SLC5A8: variants seen among roughly 807,000 people sequenced by gnomAD.
SLC5A8 encodes sodium-coupled monocarboxylate transporter 1.
SLC5A8 carries 55 observed loss-of-function variants against 71.9 expected under a neutral mutation model. The observed-to-expected ratio is 0.77, with a 90% CI of 0.62 to 0.96. SLC5A8 has a LOEUF of 0.96. Among genes scored for constraint, SLC5A8 ranks in the 40% least tolerant of loss-of-function variants. The pLI is 0.00. For synonymous variants in SLC5A8, 307 were observed against 276.1 expected, an observed-to-expected ratio of 1.11 and a Z score of -1.11; for missense variants, 701 against 745.3, an observed-to-expected ratio of 0.94 and a Z score of 0.69.
intron 1 of SLC5A8, among the ~76,000 whole-genome samples, chr12:101,207,753 G>A (rs1168602762): frequency 3.9e-5 from 6 of 152,082 alleles, no homozygotes; most frequent in Non-Finnish European, 8.8e-5. Flanking sequence ...GTGGCCAGGT[G>A]TTCACATATT....
chr12:101,172,538 C>T (rs983835235), intron 10 of SLC5A8, among the ~76,000 whole-genome samples: 12 of 152,080 alleles, frequency 7.9e-5, no homozygotes, highest in African/African-American at 2.9e-4. Context: ...GGCCTCATCC[C>T]GTGGGTGAGG....
chr12:101,182,824 A>T lies in SLC5A8; in HGVS notation c.1144T>A (p.Ser382Thr). 2 of 1,590,112 alleles carry T rather than the reference A, an allele frequency of 1.3e-6. No homozygotes were observed. The highest frequency in any genetic ancestry group is 2.3e-5 in the South Asian group (2 of 85,614). Reference sequence around the variant, plus strand: ...TTACTCATTCCTTGGGAAATCCAAGACAGAGACCTTTCTGAGAGCGATCTG... The same window carrying T: ...TTACTCATTCCTTGGGAAATCCAAGTCAGAGACCTTTCTGAGAGCGATCTG... ...YFRSLSERSL[S>T]WISQGMSVVY... The change falls in exon 9 of 15, where the codon TCT becomes ACT. Residue 382 changes from serine to threonine, a missense_variant. Physicochemically the swap from Ser to Thr is moderately conservative, Grantham distance 58. Transcript: ENST00000536262.
intron 3 of SLC5A8, among the ~76,000 whole-genome samples, chr12:101,201,543 G>A (rs1869454361): frequency 6.6e-6 from 1 of 152,182 alleles, no homozygotes; most frequent in Admixed American, 6.5e-5. Context: ...TGACTAGCAT[G>A]AACGTTTGCT....
chr12:101,160,575 T>A (rs542929345), intron 13 of SLC5A8, among the ~76,000 whole-genome samples: 6 of 152,240 alleles, frequency 3.9e-5, no homozygotes, highest in African/African-American at 1.4e-4. Flanking sequence ...GATGCATACA[T>A]GTGAGGGGAT....
At chr12:101,157,477 T>C in intron 14 of SLC5A8, 76 bp from the exon 15 acceptor site, 2 of 1,475,042 alleles carry the variant, frequency 1.4e-6, no homozygotes, top group Non-Finnish European at 1.8e-6. Context: ...AATAATTGTT[T>C]CTACTATTTT....
chr12:101,201,625 C>T (rs1286705124), intron 3 of SLC5A8, among the ~76,000 whole-genome samples: 1 of 152,214 alleles, frequency 6.6e-6, no homozygotes, highest in East Asian at 1.9e-4. Flanking sequence ...TGTTGAGCAG[C>T]ACAATCTTCC....
intron 1 of SLC5A8, among the ~76,000 whole-genome samples, chr12:101,208,661 A>G (rs1243709976): frequency 1.3e-5 from 2 of 152,138 alleles, no homozygotes; most frequent in Non-Finnish European, 2.9e-5. Flanking sequence ...AGTTTTCCTT[A>G]ATTGTCTTTC....
intron 9 of SLC5A8, 38 bp from the exon 10 acceptor site, chr12:101,180,134 C>A (rs767446245): frequency 5.6e-6 from 9 of 1,592,940 alleles, no homozygotes; most frequent in South Asian, 3.3e-5. Flanking sequence ...AAAATCCACA[C>A]CCAGAGAATT....
At chr12:101,160,166 A>G (rs972853726) in intron 13 of SLC5A8, among the ~76,000 whole-genome samples, 1 of 152,176 alleles carries the variant, frequency 6.6e-6, no homozygotes, top group African/African-American at 2.4e-5. Flanking sequence ...TGGGCAAAAG[A>G]GCGAGATTCC....
At chr12:101,204,400 T>C (rs1299183460) in intron 2 of SLC5A8, 100 bp downstream of exon 2, 1 of 1,036,250 alleles carries the variant, frequency 9.7e-7, no homozygotes, top group Non-Finnish European at 1.4e-6. Flanking sequence ...TCAACATCTC[T>C]TTTTTGTCTT....
At chr12:101,170,334 T>C (rs2051817273) in intron 10 of SLC5A8, among the ~76,000 whole-genome samples, 1 of 152,164 alleles carries the variant, frequency 6.6e-6, no homozygotes, top group African/African-American at 2.4e-5. Context: ...AAGATAAACA[T>C]ATGTTTCTCT....
At chr12:101,158,598 C>CTCTCTCTCTCTA (rs1411795424) in intron 13 of SLC5A8, among the ~76,000 whole-genome samples, 10 of 21,248 alleles carry the variant, frequency 4.7e-4, no homozygotes, top group East Asian at 2.2e-3. Context: ...CTCTCTCTCT[C>CTCTCTCTCTCTA]TATATATATA....
rs139930912 is a variant in SLC5A8 at position 101,202,503 on chromosome 12, A to G, written c.418-288T>C. On this transcript the variant is annotated intron_variant, in intron 2 of 14. Transcript: ENST00000536262. Reference sequence around the variant, plus strand: ...TAGTGCAAATGGTCACTGATCCACCAACTCAAGCTTGAAATAAAATTTCCT... The same window carrying G: ...TAGTGCAAATGGTCACTGATCCACCGACTCAAGCTTGAAATAAAATTTCCT... Among the ~76,000 whole-genome samples the G allele has an allele frequency of 1.8e-3, 270 of 152,248 alleles. 4 individuals carry two copies. In the East Asian group the frequency reaches 0.049, roughly 28 times the overall value.
intron 1 of SLC5A8, among the ~76,000 whole-genome samples, chr12:101,209,103 A>G (rs1427019771): frequency 6.6e-6 from 1 of 152,172 alleles, no homozygotes; most frequent in African/African-American, 2.4e-5. Flanking sequence ...GAACAAGAGT[A>G]TTCCTTTCAA....
intron 12 of SLC5A8, 50 bp downstream of exon 12, chr12:101,166,444 T>A: frequency 6.6e-7 from 1 of 1,512,696 alleles, no homozygotes; most frequent in East Asian, 2.4e-5. Flanking sequence ...GGTTCTCTAC[T>A]TGTTGCGTAA....
intron 3 of SLC5A8, among the ~76,000 whole-genome samples, chr12:101,201,899 AGGAGTGAATGGGCTGATGG>A (rs1221056931): frequency 6.6e-6 from 1 of 152,190 alleles, no homozygotes; most frequent in African/African-American, 2.4e-5. Context: ...TTAATTCTAA[AGGAGTGAATGGGCTGATGG>A]GCACATCCCA....
intron 12 of SLC5A8, among the ~76,000 whole-genome samples, chr12:101,162,454 G>A (rs750318499): frequency 6.6e-6 from 1 of 152,108 alleles, no homozygotes; most frequent in Non-Finnish European, 1.5e-5. Context: ...TATGTTCATC[G>A]CAGCACTATT....
At chr12:101,168,989 G>A (rs1408764564) in intron 10 of SLC5A8, among the ~76,000 whole-genome samples, 5 of 152,182 alleles carry the variant, frequency 3.3e-5, no homozygotes, top group Non-Finnish European at 7.4e-5. Context: ...AGGAAATAGT[G>A]CTTCTTGTTG....
intron 10 of SLC5A8, among the ~76,000 whole-genome samples, chr12:101,169,924 G>A (rs2051812329): frequency 6.6e-6 from 1 of 152,180 alleles, no homozygotes; most frequent in Admixed American, 6.5e-5. Context: ...AGATGATAAA[G>A]AAAGTACAAG....
Sources: allele counts gnomAD v4.1 joint callset (sites outside exome capture counted in the v4.1 genomes callset), GRCh38; gene constraint gnomAD v4.1.1; transcripts MANE v1.5; gene names NCBI Gene and HGNC (gene_info 2026-07-23, HGNC 2026-07-21).